The following SUGCT variants were observed in gnomAD, a reference collection of about 807,000 sequenced individuals.
The protein encoded by SUGCT is succinyl-CoA:glutarate CoA-transferase.
In SUGCT, 41 loss-of-function variants were observed where a neutral mutation model predicts 55.0. The ratio of observed to expected loss-of-function variants is 0.74; its 90% confidence interval spans 0.58 to 0.97. SUGCT has a LOEUF of 0.97. Ranked by LOEUF, SUGCT falls within the 50% of genes least tolerant of loss-of-function variation. SUGCT has a pLI of 0.00. For missense variants in SUGCT, 568 were observed against 547.8 expected (o/e 1.04, Z -0.37); for synonymous variants, 187 against 200.4 (o/e 0.93, Z 0.56).
At chr7:40,793,867 T>G (rs1278001993) in intron 13 of SUGCT, among the ~76,000 whole-genome samples, 1 of 152,138 alleles carries the variant, frequency 6.6e-6, no homozygotes, top group Non-Finnish European at 1.5e-5. Flanking sequence ...GTTCACTTAA[T>G]GTCTCTTCAG....
At chr7:40,525,977 G>A (rs963623224) in intron 12 of SUGCT, among the ~76,000 whole-genome samples, 3 of 152,116 alleles carry the variant, frequency 2.0e-5, no homozygotes, top group Non-Finnish European at 4.4e-5. Context: ...CATCTGCCTC[G>A]CTGGACTCAC....
chr7:40,238,392 G>C (rs955286767), intron 7 of SUGCT, among the ~76,000 whole-genome samples: 2 of 151,794 alleles, frequency 1.3e-5, no homozygotes, highest in African/African-American at 2.4e-5. Context: ...TAAAAAAAAG[G>C]CTCTCGGGGA....
intron 9 of SUGCT, among the ~76,000 whole-genome samples, chr7:40,397,299 C>T (rs1413282459): frequency 6.6e-6 from 1 of 152,176 alleles, no homozygotes; most frequent in Non-Finnish European, 1.5e-5. Context: ...TTCCATCCAT[C>T]CTTTAAAGCT....
chr7:40,997,022 C>T, the SUGCT span, among the ~76,000 whole-genome samples: 4 of 152,140 alleles, frequency 2.6e-5, no homozygotes, highest in African/African-American at 7.2e-5. Context: ...ATGCCTGATG[C>T]GGCTCCACAA....
At chr7:40,942,554 G>A in the SUGCT span, among the ~76,000 whole-genome samples, 4 of 151,994 alleles carry the variant, frequency 2.6e-5, no homozygotes, top group Non-Finnish European at 1.5e-5. Flanking sequence ...TATTCTTTTT[G>A]CAATGAATAT....
chr7:40,714,747 T>C (rs1456364421), intron 12 of SUGCT, among the ~76,000 whole-genome samples: 1 of 152,216 alleles, frequency 6.6e-6, no homozygotes, highest in African/African-American at 2.4e-5. Flanking sequence ...AAGCTGATTG[T>C]AATACCCTGG....
At chr7:40,139,176 A>C (rs141702118) in intron 1 of SUGCT, among the ~76,000 whole-genome samples, 10,291 of 133,048 alleles carry the variant, frequency 0.077, 1,108 homozygotes, top group African/African-American at 0.25. Flanking sequence ...ATAAATAAAT[A>C]AATCCAGGAT....
At chr7:40,876,775 CT>C in the SUGCT span, among the ~76,000 whole-genome samples, 1 of 152,104 alleles carries the variant, frequency 6.6e-6, no homozygotes, top group African/African-American at 2.4e-5. Flanking sequence ...GATAACCATG[CT>C]GAATGGATTG....
intron 7 of SUGCT, among the ~76,000 whole-genome samples, chr7:40,262,325 A>T (rs1791269882): frequency 6.6e-6 from 1 of 152,138 alleles, no homozygotes; most frequent in Admixed American, 6.6e-5. Flanking sequence ...TAGGTACATT[A>T]GATTGTTTGC....
At position 40,430,292 on chromosome 7, in the gene SUGCT, C is replaced by T. The variant is rs540766033; in HGVS notation, c.817-18995C>T. Among the ~76,000 whole-genome samples, 3 of 152,244 alleles carry T rather than the reference C, an allele frequency of 2.0e-5. No individual in the cohort carries two copies. The South Asian group carries it at 6.2e-4, about 32-fold the overall frequency. ...AATCTATATTTTCACCAATGGTATA[C>T]AAGAGTTCTCCTTTCTCCACACTCT... On this transcript the variant is annotated intron_variant, in intron 9 of 13. Transcript: ENST00000335693.
chr7:40,336,516 A>AT (rs1444916807), intron 9 of SUGCT, among the ~76,000 whole-genome samples: 1 of 151,720 alleles, frequency 6.6e-6, no homozygotes, highest in Non-Finnish European at 1.5e-5. Flanking sequence ...TTTCTTCTAG[A>AT]TTTTCTAGTT....
At chr7:40,682,617 G>T (rs942230956) in intron 12 of SUGCT, among the ~76,000 whole-genome samples, 1 of 152,126 alleles carries the variant, frequency 6.6e-6, no homozygotes, top group Non-Finnish European at 1.5e-5. Context: ...CACACATCTG[G>T]TGTCAGAAGT....
chr7:40,320,384 G>A (rs534661868), intron 9 of SUGCT, among the ~76,000 whole-genome samples: 134 of 152,228 alleles, frequency 8.8e-4, no homozygotes, highest in African/African-American at 3.1e-3. Context: ...GGGATTACAG[G>A]CGTGAGCCTG....
At chr7:40,289,640 G>T (rs1157210868) in intron 8 of SUGCT, among the ~76,000 whole-genome samples, 2 of 152,064 alleles carry the variant, frequency 1.3e-5, no homozygotes, top group African/African-American at 2.4e-5. Context: ...ACATAGTGTT[G>T]GAAGTTCTGG....
intron 12 of SUGCT, among the ~76,000 whole-genome samples, chr7:40,616,115 G>A (rs894500041): frequency 2.0e-5 from 3 of 152,090 alleles, no homozygotes; most frequent in Non-Finnish European, 2.9e-5. Flanking sequence ...TGACTATTAT[G>A]TGCCAGATAC....
chr7:40,456,268 C>T (rs1271807446), intron 10 of SUGCT, among the ~76,000 whole-genome samples: 2 of 152,142 alleles, frequency 1.3e-5, no homozygotes, highest in Non-Finnish European at 2.9e-5. Flanking sequence ...TCAGGTGATC[C>T]ACCCGCCTTG....
At chr7:40,957,277 C>T in the SUGCT span, among the ~76,000 whole-genome samples, 1 of 152,016 alleles carries the variant, frequency 6.6e-6, no homozygotes, top group Non-Finnish European at 1.5e-5. Context: ...TCTCTAAGAA[C>T]TTGCTTTATG....
At chr7:40,548,214 G>A (rs1488647217) in intron 12 of SUGCT, among the ~76,000 whole-genome samples, 1 of 79,004 alleles carries the variant, frequency 1.3e-5, no homozygotes, top group African/African-American at 5.4e-5. Flanking sequence ...TTTGTGATTA[G>A]GTCTCATTTT....
intron 9 of SUGCT, among the ~76,000 whole-genome samples, chr7:40,434,560 C>T (rs1788069961): frequency 6.6e-6 from 1 of 152,042 alleles, no homozygotes; most frequent in African/African-American, 2.4e-5. Context: ...TATTAGTTTC[C>T]CAAGAAAAGA....
Sources: allele counts gnomAD v4.1 joint callset (sites outside exome capture counted in the v4.1 genomes callset), GRCh38; gene constraint gnomAD v4.1.1; transcripts MANE v1.5; gene names NCBI Gene and HGNC (gene_info 2026-07-23, HGNC 2026-07-21).